CCDC183: variants seen among roughly 807,000 people sequenced by gnomAD.
CCDC183 encodes coiled-coil domain containing 183, also known as coiled-coil domain-containing protein 183.
Under a neutral mutation model 65.2 loss-of-function variants are expected in CCDC183, and 63 were observed. The observed-to-expected ratio is 0.97, with a 90% CI of 0.79 to 1.19. The LOEUF (loss-of-function observed/expected upper bound fraction) is 1.19. CCDC183 is among the 50% of genes most tolerant of loss of function. The probability of loss-of-function intolerance (pLI) is 0.00; values close to 1 mark genes in which losing one functional copy is unlikely to be tolerated. For synonymous variants in CCDC183, 323 were observed against 276.5 expected (o/e 1.17, Z -1.67); for missense variants, 769 against 689.3 (o/e 1.12, Z -1.30).
intron 13 of CCDC183, 156 bp from the exon 14 acceptor site, chr9:136,807,416 T>A: frequency 2.0e-6 from 2 of 976,866 alleles, no homozygotes; most frequent in South Asian, 3.5e-5. Flanking sequence ...CGTGAGCCGC[T>A]GCGAATGGGC....
chr9:136,798,438 C>T (rs150079782), intron 1 of CCDC183, among the ~76,000 whole-genome samples: 2,247 of 152,034 alleles, frequency 0.015, 62 homozygotes, highest in African/African-American at 0.052. Context: ...GCTGGGACTA[C>T]AGGCACACAC....
At position 136,804,523 on chromosome 9, in the gene CCDC183, G is replaced by T. The variant is rs1399160189; in HGVS notation, c.688G>T (p.Ala230Ser). The part of the protein sequence containing the change: ...EVKRNMRQRE[A>S]SFIEERRARE... ...CCAGAGGAACATGAGGCAAAGGGAG[G>T]CGTCCTTCATCGAGGAGCGCCGGGC... The change falls in exon 7 of 14, where the codon GCG becomes TCG. Residue 230 changes from alanine to serine, a missense_variant. Physicochemically the swap from Ala to Ser is moderately conservative, Grantham distance 99 (BLOSUM62 1). Coordinates refer to ENST00000338005, the MANE Select transcript of CCDC183 (RefSeq NM_001039374.5). This position sits in a 1 kb window ranked among gnomAD's most constrained non-coding sequence, Gnocchi z 4.1. The T allele has an allele frequency of 6.2e-7, 1 of 1,613,200 alleles. No homozygotes were observed. Among genetic ancestry groups the T allele is most frequent in the Admixed American group, 1.7e-5 (1 of 60,002 alleles).
chr9:136,805,919 G>A (rs1847836747), intron 9 of CCDC183, 159 bp from the exon 10 acceptor site: 1 of 633,506 alleles, frequency 1.6e-6, no homozygotes, highest in South Asian at 2.0e-5. Flanking sequence ...GCTTGAGTCT[G>A]GGAGGTTGAG....
intron 13 of CCDC183, 130 bp from the exon 14 acceptor site, chr9:136,807,442 C>T: frequency 8.3e-7 from 1 of 1,210,198 alleles, no homozygotes; most frequent in Non-Finnish European, 1.1e-6. Flanking sequence ...TGAGTCCTCC[C>T]GGCACGCTGG....
At position 136,806,253 on chromosome 9, in the gene CCDC183, C is replaced by A; in HGVS notation, c.1109+15C>A. ...AGCTCCATCAGGTGCCCCGGGCTTCCGGGGCTGCGGGCCACCCACCCCAGT... is the reference window on the plus strand; with the variant it reads ...AGCTCCATCAGGTGCCCCGGGCTTCAGGGGCTGCGGGCCACCCACCCCAGT... On this transcript the variant is annotated intron_variant, in intron 10 of 13. Transcript: ENST00000338005. The A allele has an allele frequency of 1.3e-6, 2 of 1,580,912 alleles. No individual in the cohort carries two copies. Among genetic ancestry groups the A allele is most frequent in the South Asian group, 1.2e-5 (1 of 86,660 alleles).
intron 1 of CCDC183, 30 bp from the exon 2 acceptor site, chr9:136,799,072 A>T: frequency 6.2e-7 from 1 of 1,611,322 alleles, no homozygotes; most frequent in Non-Finnish European, 8.5e-7. Context: ...GCCCAATCCT[A>T]GCCACTGTGT....
At chr9:136,798,850 C>T (rs1401500402) in intron 1 of CCDC183, among the ~76,000 whole-genome samples, 1 of 152,256 alleles carries the variant, frequency 6.6e-6, no homozygotes, top group East Asian at 1.9e-4. Flanking sequence ...CCTGCCATCC[C>T]TCTCCTTTGC....
At position 136,806,764 on chromosome 9, in the gene CCDC183, T is replaced by C. The variant is rs1240053842; in HGVS notation, c.1286T>C (p.Val429Ala). ...GINLPATQRE[V>A]VLSNTLDLNS... ...CCTCCTCCCGGCCTACAGAGAGAAG[T>C]GGTGCTCTCCAACACCCTCGATTTG... Residue 429 changes from valine to alanine, a missense_variant, in exon 12 of 14, where the codon GTG (valine) becomes GCG (alanine). By Grantham distance (64) the Val-to-Ala change is moderately conservative. Coordinates refer to ENST00000338005, the MANE Select transcript of CCDC183 (RefSeq NM_001039374.5). 3.1e-6 allele frequency: 5 copies of C among 1,613,338 alleles called. No individual in the cohort carries two copies. The African/African-American group carries it at 5.3e-5, about 17-fold the overall frequency.
chr9:136,797,288 C>T (rs772600950), intron 1 of CCDC183, among the ~76,000 whole-genome samples: 5 of 152,162 alleles, frequency 3.3e-5, no homozygotes, highest in South Asian at 2.1e-4. Context: ...GTTCTCACCA[C>T]CTGTTGCCCT....
rs375955427 is a variant in CCDC183, at chr9:136,806,905, C to T, written c.1389+38C>T. 667 of 1,613,236 alleles carry T rather than the reference C, an allele frequency of 4.1e-4. 3 individuals are homozygous for T. The highest frequency in any genetic ancestry group is 5.1e-4 in the Non-Finnish European group (603 of 1,179,978). On this transcript the variant is annotated intron_variant, in intron 12 of 13. Coordinates refer to ENST00000338005, the MANE Select transcript of CCDC183 (RefSeq NM_001039374.5). ...TGGGAGGAACCTGCACAGCCCACGT[C>T]CCCTCAAAGCTGACAGGCTCCCGTT...
intron 13 of CCDC183, 119 bp from the exon 14 acceptor site, chr9:136,807,453 G>C: frequency 7.8e-7 from 1 of 1,282,552 alleles, no homozygotes; most frequent in Non-Finnish European, 1.0e-6. Context: ...GGCACGCTGG[G>C]GCTGTCCCTG....
Position 136,804,582 on chromosome 9 carries a change from G to C in CCDC183, c.747G>C (p.Leu249=). ...RENRLNQQKK[L]IDKIHTKETS... is the part of the protein sequence containing the mutation. ...ACCGGCTCAACCAGCAGAAGAAGCT[G>C]ATCGACAAGATCCACACGAAGGAGA... Residue 249 remains leucine (L), a synonymous_variant, in exon 7 of 14, where the codon CTG becomes CTC. Transcript: ENST00000338005. This position sits in a 1 kb window ranked among gnomAD's most constrained non-coding sequence, Gnocchi z 4.1. 6.2e-7 allele frequency: 1 copy of C among 1,613,714 alleles called. No homozygotes were observed. Among genetic ancestry groups the C allele is most frequent in the Non-Finnish European group, 8.5e-7 (1 of 1,179,970 alleles).
chr9:136,798,715 C>G (rs912145190), intron 1 of CCDC183, among the ~76,000 whole-genome samples: 1 of 152,148 alleles, frequency 6.6e-6, no homozygotes, highest in Non-Finnish European at 1.5e-5. Context: ...CATGGAGGGA[C>G]TAAATCAGAG....
At position 136,806,804 on chromosome 9, in the gene CCDC183, G is replaced by A. The variant is rs764070720; in HGVS notation, c.1326G>A (p.Ala442=). 6 of 1,613,542 alleles carry A rather than the reference G, an allele frequency of 3.7e-6. No homozygotes were observed. The highest frequency in any genetic ancestry group is 1.1e-5 in the South Asian group (1 of 91,084). The change falls in exon 12 of 14, where the codon GCG becomes GCA. Residue 442 remains alanine (A), a synonymous_variant. Coordinates refer to ENST00000338005, the MANE Select transcript of CCDC183 (RefSeq NM_001039374.5). ...CCCTCGATTTGAACAGCAAGCTGGC[G>A]TACTGCGAGGGGAAGCTCACGTACC... ...SNTLDLNSKL[A]YCEGKLTYLA...
intron 5 of CCDC183, chr9:136,800,885 C>T (rs1847728317): frequency 9.2e-6 from 2 of 217,996 alleles, no homozygotes; most frequent in Admixed American, 5.5e-5. Context: ...GCCCACCCGC[C>T]CTGCTCCCTG....
In CCDC183 at chr9:136,799,718, C is replaced by T; in HGVS notation, c.198C>T (p.Asp66=). ...CAGCCGCCGCCGCTCCGCAGTATGACCAGTGGACCATCTCCAAGGCCTGCG... is the reference window on the plus strand; with the variant it reads ...CAGCCGCCGCCGCTCCGCAGTATGATCAGTGGACCATCTCCAAGGCCTGCG... ...AQDWALAKKY[D]QWTISKACGK... The change falls in exon 3 of 14, where the codon GAC becomes GAT. Residue 66 remains aspartate (D), a synonymous_variant. Coordinates refer to ENST00000338005, the MANE Select transcript of CCDC183 (RefSeq NM_001039374.5). 6.2e-7 allele frequency: 1 copy of T among 1,612,802 alleles called. No homozygotes were observed. The highest frequency in any genetic ancestry group is 8.5e-7 in the Non-Finnish European group (1 of 1,179,750).
In CCDC183 at chr9:136,806,680, G is replaced by A; in HGVS notation, c.1278+8G>A. Reference sequence around the variant, plus strand: ...AACTTGCCTGCGACCCAGGTACCGGGAGTGAGGCTGAGCTGCCACACACCA... The same window carrying A: ...AACTTGCCTGCGACCCAGGTACCGGAAGTGAGGCTGAGCTGCCACACACCA... On this transcript the variant is annotated splice_region_variant and intron_variant, in intron 11 of 13. Transcript: ENST00000338005. 6.2e-7 allele frequency: 1 copy of A among 1,613,334 alleles called. No homozygotes were observed. Among genetic ancestry groups the A allele is most frequent in the Non-Finnish European group, 8.5e-7 (1 of 1,179,982 alleles).
chr9:136,806,531 A>G lies in CCDC183; in HGVS notation c.1137A>G (p.Thr379=), dbSNP rs1202982164. 6.2e-7 allele frequency: 1 copy of G among 1,613,556 alleles called. No homozygotes were observed. Residue 379 remains threonine, a synonymous_variant, in exon 11 of 14, where the codon ACA becomes ACG. Coordinates refer to ENST00000338005, the MANE Select transcript of CCDC183 (RefSeq NM_001039374.5). The part of the protein sequence containing the change: ...ISFKSVEKKM[T]DMLKEEEERL... Reference sequence around the variant, plus strand: ...TCAAGTCCGTTGAGAAGAAAATGACAGACATGCTAAAAGAGGAAGAAGAGA... The same window carrying G: ...TCAAGTCCGTTGAGAAGAAAATGACGGACATGCTAAAAGAGGAAGAAGAGA...
chr9:136,807,201 G>A (rs1007847673), intron 13 of CCDC183, 135 bp downstream of exon 13: 1 of 761,552 alleles, frequency 1.3e-6, no homozygotes, highest in Non-Finnish European at 2.2e-6. Flanking sequence ...GTACCTGCAG[G>A]ACTTTAATTG....
Sources: allele counts gnomAD v4.1 joint callset (sites outside exome capture counted in the v4.1 genomes callset), GRCh38; gene constraint gnomAD v4.1.1; non-coding constraint Gnocchi (gnomAD v3.1); transcripts MANE v1.5; gene names NCBI Gene and HGNC (gene_info 2026-07-23, HGNC 2026-07-21).